The following SPAG16 variants were observed in gnomAD, a reference collection of about 807,000 sequenced individuals.
SPAG16 encodes sperm-associated antigen 16 protein.
Under a neutral mutation model 80.4 loss-of-function variants are expected in SPAG16, and 86 were observed. The ratio of observed to expected loss-of-function variants is 1.07; its 90% CI spans 0.90 to 1.28. The LOEUF (loss-of-function observed/expected upper bound fraction) is 1.28. Among genes scored for constraint, SPAG16 ranks in the 50% most tolerant of loss-of-function variants. The pLI is 0.00. For missense variants in SPAG16, 870 were observed against 765.3 expected (o/e 1.14, Z -1.61); for synonymous variants, 294 against 265.9 (o/e 1.11, Z -1.03).
chr2:213,492,631 C>T (rs907818328), intron 10 of SPAG16, among the ~76,000 whole-genome samples: 1 of 149,186 alleles, frequency 6.7e-6, no homozygotes, highest in Non-Finnish European at 1.5e-5. Context: ...AGTAAGTCTA[C>T]AATACAGTGT....
intron 10 of SPAG16, among the ~76,000 whole-genome samples, chr2:213,552,793 G>A (rs988535476): frequency 1.3e-5 from 2 of 151,260 alleles, no homozygotes; most frequent in South Asian, 4.2e-4. Context: ...AGCTGCTAGC[G>A]TGGCTAGGAT....
chr2:213,554,000 C>A (rs903472992), intron 10 of SPAG16, among the ~76,000 whole-genome samples: 2 of 152,102 alleles, frequency 1.3e-5, no homozygotes, highest in African/African-American at 4.8e-5. Context: ...GAGCCATAGC[C>A]CCTTCATGTT....
At chr2:213,446,635 A>G (rs1291772752) in intron 9 of SPAG16, among the ~76,000 whole-genome samples, 1 of 152,168 alleles carries the variant, frequency 6.6e-6, no homozygotes, top group Non-Finnish European at 1.5e-5. Flanking sequence ...TGATTTACCT[A>G]CTACACAAAA....
chr2:213,788,520 A>C (rs755971611), intron 10 of SPAG16, among the ~76,000 whole-genome samples: 18 of 151,868 alleles, frequency 1.2e-4, no homozygotes, highest in Non-Finnish European at 2.4e-4. Flanking sequence ...TTATTTATTT[A>C]ATTAGAAACA....
At chr2:214,249,968 T>G (rs145733642) in intron 15 of SPAG16, 2 of 152,324 alleles carry the variant, frequency 1.3e-5, no homozygotes, top group African/African-American at 4.8e-5. Flanking sequence ...TCTTGGTAGC[T>G]TTCTTCCAAT....
chr2:213,375,606 A>G (rs936048903), intron 9 of SPAG16, among the ~76,000 whole-genome samples: 2 of 152,076 alleles, frequency 1.3e-5, no homozygotes, highest in African/African-American at 4.8e-5. Context: ...ATTAAAGAAA[A>G]TGGTATTAAA....
intron 14 of SPAG16, among the ~76,000 whole-genome samples, chr2:214,126,326 G>A (rs898840481): frequency 2.0e-5 from 3 of 151,272 alleles, no homozygotes; most frequent in African/African-American, 7.3e-5. Flanking sequence ...GAGAAGGAGG[G>A]TCGGAAGACA....
chr2:213,412,525 C>T (rs2069031965), intron 9 of SPAG16, among the ~76,000 whole-genome samples: 1 of 152,146 alleles, frequency 6.6e-6, no homozygotes. Flanking sequence ...AAGTTTTATC[C>T]TATGTTGGTC....
At chr2:213,383,059 C>T (rs377132483) in intron 9 of SPAG16, among the ~76,000 whole-genome samples, 1 of 152,066 alleles carries the variant, frequency 6.6e-6, no homozygotes, top group Admixed American at 6.6e-5. Context: ...TGTTCCAGAT[C>T]TTTACATGAT....
intron 9 of SPAG16, among the ~76,000 whole-genome samples, chr2:213,465,966 C>T (rs2072666515): frequency 6.6e-6 from 1 of 152,058 alleles, no homozygotes; most frequent in Admixed American, 6.6e-5. Flanking sequence ...AAAGGCAGAC[C>T]CACCCTCAAT....
chr2:213,952,224 T>G (rs972943424), intron 12 of SPAG16, among the ~76,000 whole-genome samples: 2 of 151,944 alleles, frequency 1.3e-5, no homozygotes, highest in African/African-American at 4.8e-5. Flanking sequence ...TGAAGAAAAT[T>G]GAAATAGTGA....
At chr2:213,380,181 T>A (rs191544587) in intron 9 of SPAG16, among the ~76,000 whole-genome samples, 5 of 152,280 alleles carry the variant, frequency 3.3e-5, no homozygotes, top group Non-Finnish European at 7.4e-5. Flanking sequence ...TCTCCTTCCA[T>A]GCAAAGTGCA....
chr2:213,877,669 G>A (rs908987687), intron 11 of SPAG16, among the ~76,000 whole-genome samples: 2 of 152,110 alleles, frequency 1.3e-5, no homozygotes, highest in African/African-American at 4.8e-5. Context: ...TGAACTTAGG[G>A]AGAGGATGAG....
intron 15 of SPAG16, among the ~76,000 whole-genome samples, chr2:214,203,005 G>C (rs2058049749): frequency 6.6e-6 from 1 of 152,110 alleles, no homozygotes; most frequent in South Asian, 2.1e-4. Context: ...TCTCTCACGA[G>C]GTGAAGTCAG....
chr2:214,122,402 C>A (rs2054265059), intron 14 of SPAG16, among the ~76,000 whole-genome samples: 1 of 151,742 alleles, frequency 6.6e-6, no homozygotes, highest in African/African-American at 2.4e-5. Context: ...ATAAATGCAT[C>A]AATTCACATT....
intron 15 of SPAG16, among the ~76,000 whole-genome samples, chr2:214,172,047 G>A (rs1363483309): frequency 5.3e-5 from 8 of 150,988 alleles, no homozygotes; most frequent in Non-Finnish European, 8.9e-5. Flanking sequence ...TGCATCTCAT[G>A]TTACACATTA....
intron 15 of SPAG16, among the ~76,000 whole-genome samples, chr2:214,160,795 T>C (rs2056405959): frequency 6.6e-6 from 1 of 152,134 alleles, no homozygotes; most frequent in African/African-American, 2.4e-5. Flanking sequence ...CATTAATATA[T>C]GCCTATCAAT....
At chr2:213,405,088 C>A (rs533874505) in intron 9 of SPAG16, among the ~76,000 whole-genome samples, 1 of 152,206 alleles carries the variant, frequency 6.6e-6, no homozygotes, top group East Asian at 1.9e-4. Context: ...TAAACACATG[C>A]TTTACTTTTT....
rs182863583 is a variant in SPAG16, at chr2:213,875,561, C to A, written c.1214+12933C>A. On this transcript the variant is annotated intron_variant, in intron 11 of 15. Transcript: ENST00000331683. ...CAGTGAATTAAAGAGTCAACTAATTCTTGCTCTCACACTGATTTAAAAATA... is the reference window on the plus strand; with the variant it reads ...CAGTGAATTAAAGAGTCAACTAATTATTGCTCTCACACTGATTTAAAAATA... Among the ~76,000 whole-genome samples, 634 of 152,240 alleles carry A rather than the reference C, an allele frequency of 4.2e-3. 5 individuals carry two copies. Among genetic ancestry groups the A allele is most frequent in the African/African-American group, 0.014 (598 of 41,558 alleles).
Sources: allele counts gnomAD v4.1 joint callset (sites outside exome capture counted in the v4.1 genomes callset), GRCh38; gene constraint gnomAD v4.1.1; transcripts MANE v1.5; gene names NCBI Gene and HGNC (gene_info 2026-07-23, HGNC 2026-07-21).